CPLX1: variants seen among roughly 807,000 people sequenced by gnomAD.
CPLX1 encodes complexin-1.
Under a neutral mutation model 15.6 loss-of-function variants are expected in CPLX1, and 6 were observed. The ratio of observed to expected loss-of-function variants is 0.39; its 90% CI spans 0.21 to 0.76. The LOEUF is 0.76. Ranked by LOEUF, CPLX1 falls within the 30% of genes least tolerant of loss-of-function variation. The probability of loss-of-function intolerance (pLI) is 0.43; values close to 1 mark genes in which losing one functional copy is unlikely to be tolerated. For missense variants in CPLX1, 242 were observed against 188.6 expected, an observed-to-expected ratio of 1.28 and a Z score of -1.66; for synonymous variants, 91 against 75.2, an observed-to-expected ratio of 1.21 and a Z score of -1.08.
intron 2 of CPLX1, among the ~76,000 whole-genome samples, chr4:796,756 G>T (rs766737270): frequency 6.6e-6 from 1 of 152,224 alleles, no homozygotes; most frequent in Non-Finnish European, 1.5e-5. Flanking sequence ...AAACTCCGAA[G>T]AATTAAGAAG....
chr4:799,941 A>AT (rs1746418655), intron 2 of CPLX1, among the ~76,000 whole-genome samples: 1 of 152,206 alleles, frequency 6.6e-6, no homozygotes, highest in African/African-American at 2.4e-5. Context: ...TGCTCTAGGA[A>AT]TTAAACCCAA....
intron 2 of CPLX1, among the ~76,000 whole-genome samples, chr4:798,862 GAA>G (rs1470797524): frequency 1.3e-5 from 2 of 152,182 alleles, no homozygotes; most frequent in African/African-American, 2.4e-5. Context: ...GAAGAAAACA[GAA>G]GAGAAAATTT....
At chr4:787,191 C>T in intron 3 of CPLX1, 1 of 985,326 alleles carries the variant, frequency 1.0e-6, no homozygotes, top group Non-Finnish European at 1.2e-6. Context: ...GCGGCCCCAG[C>T]AGGGCCACTC....
Position 811,766 on chromosome 4 carries a change from C to G in CPLX1, c.31+12726G>C, listed in dbSNP as rs377049160. On this transcript the variant is annotated intron_variant, in intron 2 of 3. Coordinates refer to ENST00000304062, the MANE Select transcript of CPLX1 (RefSeq NM_006651.4). Reference sequence around the variant, plus strand: ...GCTGGCTGTGCTGCTCAAGTCCTGTCTGTCCTTCCTGCTTCTCTGTCCTTT... The same window carrying G: ...GCTGGCTGTGCTGCTCAAGTCCTGTGTGTCCTTCCTGCTTCTCTGTCCTTT... 4.3e-4 allele frequency among the ~76,000 whole-genome samples: 65 copies of G among 152,342 alleles called. No homozygotes were observed. In the South Asian group the frequency reaches 0.013, roughly 31 times the overall value.
At chr4:799,061 T>C (rs1487889462) in intron 2 of CPLX1, among the ~76,000 whole-genome samples, 1 of 152,230 alleles carries the variant, frequency 6.6e-6, no homozygotes, top group Non-Finnish European at 1.5e-5. Context: ...TGTTATAATG[T>C]TGGGGCCCTT....
chr4:797,197 G>T (rs150066576), intron 2 of CPLX1, among the ~76,000 whole-genome samples: 146 of 152,316 alleles, frequency 9.6e-4, no homozygotes, highest in African/African-American at 3.4e-3. Context: ...ATTTCCCTTT[G>T]TAGTTGTCCA....
chr4:820,518 C>T (rs901164337), intron 2 of CPLX1, among the ~76,000 whole-genome samples: 4 of 152,162 alleles, frequency 2.6e-5, no homozygotes, highest in African/African-American at 9.7e-5. Flanking sequence ...TTGCCCAGAT[C>T]CCAGTTGCCT....
chr4:792,422 C>T lies in CPLX1; in HGVS notation c.207+11G>A. The T allele has an allele frequency of 6.5e-7, 1 of 1,531,142 alleles. No individual in the cohort carries two copies. Among genetic ancestry groups the T allele is most frequent in the South Asian group, 1.2e-5 (1 of 81,220 alleles). 94.8% of individuals were successfully genotyped at this position (1,531,142 alleles called of 1,614,324 possible). A position where few individuals can be genotyped will look rare whatever the true frequency, so the allele number is the denominator to read the frequency against. On this transcript the variant is annotated intron_variant, in intron 3 of 3. Transcript: ENST00000304062. Reference sequence around the variant, plus strand: ...CCGCCTTCCCGCAGGCGGGGCCGGCCCGGCGCGCACCTTGTCTCGGATGCC... The same window carrying T: ...CCGCCTTCCCGCAGGCGGGGCCGGCTCGGCGCGCACCTTGTCTCGGATGCC...
At chr4:809,954 C>T (rs1299866791) in intron 2 of CPLX1, among the ~76,000 whole-genome samples, 1 of 152,226 alleles carries the variant, frequency 6.6e-6, no homozygotes, top group Non-Finnish European at 1.5e-5. Context: ...CTGAGCAGGA[C>T]CCCACGGTGT....
At chr4:799,352 G>A (rs909798967) in intron 2 of CPLX1, among the ~76,000 whole-genome samples, 10 of 152,228 alleles carry the variant, frequency 6.6e-5, no homozygotes, top group Non-Finnish European at 1.3e-4. Context: ...GTCTCCTCAA[G>A]AGGCGGGGTT....
chr4:826,066 C>A lies in CPLX1; in HGVS notation c.-100G>T. ...GTTACCTTCCCGGGGCGCGGGCGGTCAGCGGCGGGGCGCGCTCGGGCCGGC... is the reference window on the plus strand; with the variant it reads ...GTTACCTTCCCGGGGCGCGGGCGGTAAGCGGCGGGGCGCGCTCGGGCCGGC... On this transcript the variant is annotated 5_prime_UTR_variant, in exon 1 of 4. The change abolishes the stop of an existing upstream ORF in the 5' untranslated region. Coordinates refer to ENST00000304062, the MANE Select transcript of CPLX1 (RefSeq NM_006651.4). 1 of 137,452 alleles carries A rather than the reference C, an allele frequency of 7.3e-6. No homozygotes were observed. Among genetic ancestry groups the A allele is most frequent in the South Asian group, 2.2e-4 (1 of 4,456 alleles). 8.5% of individuals were successfully genotyped at this position (137,452 alleles called of 1,614,324 possible).
At chr4:825,604 A>C (rs1266864793) in intron 1 of CPLX1, among the ~76,000 whole-genome samples, 1 of 151,654 alleles carries the variant, frequency 6.6e-6, no homozygotes, top group Non-Finnish European at 1.5e-5. Flanking sequence ...CCAGGAGAGG[A>C]AAGAAAGAGG....
At chr4:787,057 G>A in intron 3 of CPLX1, 5 of 985,410 alleles carry the variant, frequency 5.1e-6, no homozygotes, top group Non-Finnish European at 6.0e-6. Flanking sequence ...GGAGGGGTGG[G>A]CAGGATGCTG....
Position 786,489 on chromosome 4 carries a change from T to A in CPLX1, c.*12A>T, listed in dbSNP as rs773839367. 1 of 1,547,890 alleles carries A rather than the reference T, an allele frequency of 6.5e-7. No individual in the cohort carries two copies. Among genetic ancestry groups the A allele is most frequent in the Admixed American group, 1.9e-5 (1 of 52,288 alleles). On this transcript the variant is annotated 3_prime_UTR_variant, in exon 4 of 4. Coordinates refer to ENST00000304062, the MANE Select transcript of CPLX1 (RefSeq NM_006651.4). ...GGGCGGGGGCTCCGCGGGGCCGCTGTCCCGCGCGCGGCTACTTCTTGAGCA... is the reference window on the plus strand; with the variant it reads ...GGGCGGGGGCTCCGCGGGGCCGCTGACCCGCGCGCGGCTACTTCTTGAGCA...
In CPLX1 at chr4:786,654, G is replaced by A. The variant is rs1746000746; in HGVS notation, c.252C>T (p.Ala84=). Reference sequence around the variant, plus strand: ...TCCCCTCGGAGTTGGCCTCCATGGCGGCCTGGGCCTCGGCCTCGCGCTCCT... The same window carrying A: ...TCCCCTCGGAGTTGGCCTCCATGGCAGCCTGGGCCTCGGCCTCGCGCTCCT... The part of the protein sequence containing the change: ...KKEEREAEAQ[A]AMEANSEGSL... Residue 84 remains alanine (A), a synonymous_variant, in exon 4 of 4, where the codon GCC becomes GCT. Coordinates refer to ENST00000304062, the MANE Select transcript of CPLX1 (RefSeq NM_006651.4). The A allele has an allele frequency of 6.2e-7, 1 of 1,611,772 alleles. No individual in the cohort carries two copies. Among genetic ancestry groups the A allele is most frequent in the East Asian group, 2.2e-5 (1 of 44,776 alleles).
rs1171591262 is a variant in CPLX1, at chr4:824,500, G to A, written c.23C>T (p.Ala8Val). ...CACCTCCCGCTTCCTACCTCCTAGA[G>A]CCTGCTTCATCACAAACTCCATGGC... is the stretch of plus-strand genomic sequence containing the variant. MEFVMKQ[A>V]LGGATKDMGK... Residue 8 changes from alanine to valine, a missense_variant, in exon 2 of 4, where the codon GCT becomes GTT. Ala to Val is a moderately conservative substitution (Grantham distance 64). Coordinates refer to ENST00000304062, the MANE Select transcript of CPLX1 (RefSeq NM_006651.4). 1 of 1,612,730 alleles carries A rather than the reference G, an allele frequency of 6.2e-7. No homozygotes were observed. Among genetic ancestry groups the A allele is most frequent in the Admixed American group, 1.7e-5 (1 of 60,022 alleles).
chr4:790,803 C>T (rs1746145791), intron 3 of CPLX1, among the ~76,000 whole-genome samples: 1 of 152,134 alleles, frequency 6.6e-6, no homozygotes, highest in African/African-American at 2.4e-5. Context: ...TACCCAGCGT[C>T]AGCTCTCTCT....
intron 1 of CPLX1, 40 bp downstream of exon 1, chr4:826,005 GA>G (rs1746983435): frequency 1.4e-5 from 2 of 147,504 alleles, no homozygotes; most frequent in Admixed American, 6.7e-5. Context: ...GAGACCCGGG[GA>G]GCGGAGGCCG....
chr4:798,514 T>C (rs1481256841), intron 2 of CPLX1, among the ~76,000 whole-genome samples: 1 of 152,192 alleles, frequency 6.6e-6, no homozygotes, highest in Non-Finnish European at 1.5e-5. Flanking sequence ...TGGGCTCAAC[T>C]GATCCTCCCA....
Sources: gnomAD v4.1 joint callset for allele counts (sites outside exome capture counted in the v4.1 genomes callset) on GRCh38, gnomAD v4.1.1 for gene constraint, MANE v1.5 for transcripts, NCBI Gene and HGNC (gene_info 2026-07-23, HGNC 2026-07-21) for gene names.